MELK: variants seen among roughly 807,000 people sequenced by gnomAD.
MELK encodes pEg3 kinase.
In MELK, 81 loss-of-function variants were observed where a neutral mutation model predicts 85.0. That is an observed-to-expected ratio of 0.95 (90% CI 0.80 to 1.15). The LOEUF is 1.15. Ranked by LOEUF, MELK falls within the 50% of genes most tolerant of loss-of-function variation. The probability of loss-of-function intolerance (pLI) is 0.00; values close to 1 mark genes in which losing one functional copy is unlikely to be tolerated. For synonymous variants in MELK, 252 were observed against 265.0 expected (o/e 0.95, Z 0.48); for missense variants, 754 against 777.5 (o/e 0.97, Z 0.36).
chr9:36,594,639 A>G lies in MELK; in HGVS notation c.273A>G (p.Gly91=). 1 of 1,613,920 alleles carries G rather than the reference A, an allele frequency of 6.2e-7. No homozygotes were observed. The highest frequency in any genetic ancestry group is 8.5e-7 in the Non-Finnish European group (1 of 1,179,942). Residue 91 remains glycine (G), a synonymous_variant, in exon 5 of 18, where the codon GGA becomes GGG. Coordinates refer to ENST00000298048, the MANE Select transcript of MELK (RefSeq NM_014791.4). ...KIFMVLEYCP[G]GELFDYIISQ... Reference sequence around the variant, plus strand: ...CATTGCTGTTGAAGTACTGCCCTGGAGGAGAGCTGTTTGACTATATAATTT... The same window carrying G: ...CATTGCTGTTGAAGTACTGCCCTGGGGGAGAGCTGTTTGACTATATAATTT...
intron 4 of MELK, among the ~76,000 whole-genome samples, chr9:36,590,550 C>G (rs1235048235): frequency 6.6e-6 from 1 of 152,030 alleles, no homozygotes; most frequent in East Asian, 1.9e-4. Flanking sequence ...TTAAAAGGAC[C>G]CAAGGTTTAG....
At position 36,621,288 on chromosome 9, in the gene MELK, A is replaced by AC. The variant is rs1333280063; in HGVS notation, c.667-9011_667-9010insC. ...CTCTGTCTCAGGGAAAAAAAAAAAA[A>AC]AAAAAAAAAAAAAAAAAAAAAAAAA... On this transcript the variant is annotated intron_variant, in intron 8 of 17. Transcript: ENST00000298048. Among the ~76,000 whole-genome samples, 18 of 95,500 alleles carry AC rather than the reference A, an allele frequency of 1.9e-4. No homozygotes were observed. In the East Asian group the frequency reaches 3.8e-3, roughly 20 times the overall value. The allele number at this position is 95,500 out of a possible 152,430, so 62.7% of individuals were successfully genotyped here.
chr9:36,665,460 T>C lies in MELK; in HGVS notation c.1287T>C (p.Pro429=), dbSNP rs1469260656. The part of the protein sequence containing the change: ...KLKNKENVYT[P]KSAVKNEEYF... ...AGAACAAAGAAAATGTATATACTCC[T>C]AAGTCTGCTGTAAAGAATGAAGAGT... Residue 429 remains proline, a synonymous_variant, in exon 14 of 18, where the codon CCT becomes CCC. Coordinates refer to ENST00000298048, the MANE Select transcript of MELK (RefSeq NM_014791.4). 1.2e-6 allele frequency: 2 copies of C among 1,613,184 alleles called. No individual in the cohort carries two copies. The highest frequency in any genetic ancestry group is 2.7e-5 in the African/African-American group (2 of 74,890).
chr9:36,657,626 T>A (rs1173238487), intron 13 of MELK, among the ~76,000 whole-genome samples: 2 of 152,252 alleles, frequency 1.3e-5, no homozygotes, highest in Non-Finnish European at 2.9e-5. Flanking sequence ...AGTCTTGCTC[T>A]GTTGGCCAGG....
chr9:36,589,856 G>A lies in MELK; in HGVS notation c.261+204G>A, dbSNP rs552100150. 2.6e-5 allele frequency among the ~76,000 whole-genome samples: 4 copies of A among 151,964 alleles called. No individual in the cohort carries two copies. In the East Asian group the frequency reaches 7.7e-4, roughly 29 times the overall value. ...TCATTTTTCTAATACACCCCTAATG[G>A]GGTAGTATGGTTTACTAGATAGAAT... On this transcript the variant is annotated intron_variant, in intron 4 of 17. Coordinates refer to ENST00000298048, the MANE Select transcript of MELK (RefSeq NM_014791.4).
chr9:36,575,069 G>A (rs974763267), intron 1 of MELK, among the ~76,000 whole-genome samples: 1 of 152,156 alleles, frequency 6.6e-6, no homozygotes, highest in African/African-American at 2.4e-5. Flanking sequence ...GAGGGCGGAG[G>A]TTGCAGTGAG....
chr9:36,637,214 A>G (rs976348172), intron 10 of MELK, among the ~76,000 whole-genome samples: 5 of 152,138 alleles, frequency 3.3e-5, no homozygotes, highest in Non-Finnish European at 7.3e-5. Flanking sequence ...TGTACTTACT[A>G]ATGTTCCACT....
chr9:36,657,436 AC>A, intron 13 of MELK, 73 bp downstream of exon 13: 2 of 1,481,020 alleles, frequency 1.4e-6, no homozygotes, highest in Non-Finnish European at 1.8e-6. Context: ...CTAATGTGAA[AC>A]CAAGGTGTGC....
intron 12 of MELK, among the ~76,000 whole-genome samples, chr9:36,654,430 G>A (rs372191881): frequency 3.3e-4 from 45 of 134,730 alleles, no homozygotes; most frequent in African/African-American, 1.2e-3. Context: ...GTCTTGGCTC[G>A]CTGCAACCTC....
intron 13 of MELK, among the ~76,000 whole-genome samples, chr9:36,660,025 C>A (rs1463712990): frequency 6.6e-6 from 1 of 152,210 alleles, no homozygotes; most frequent in East Asian, 1.9e-4. Context: ...TCTCGAACTG[C>A]TGACCTCAAG....
chr9:36,636,727 G>T (rs928435387), intron 10 of MELK, among the ~76,000 whole-genome samples: 106 of 83,586 alleles, frequency 1.3e-3, no homozygotes, highest in African/African-American at 4.2e-3. Flanking sequence ...GTAGCAACTG[G>T]ATTTCTTTCT....
chr9:36,578,093 C>T (rs1404503895), intron 1 of MELK, among the ~76,000 whole-genome samples: 5 of 152,180 alleles, frequency 3.3e-5, no homozygotes, highest in East Asian at 3.8e-4. Context: ...GCTATCTTTA[C>T]GCTTCTTCCT....
chr9:36,630,468 TC>T (rs1828440870), intron 9 of MELK, 101 bp downstream of exon 9: 1 of 923,146 alleles, frequency 1.1e-6, no homozygotes, highest in Admixed American at 1.9e-5. Flanking sequence ...TTGAAAAAAA[TC>T]CCACTCATAT....
chr9:36,639,721 A>C (rs867334956), intron 10 of MELK, among the ~76,000 whole-genome samples: 10 of 152,062 alleles, frequency 6.6e-5, no homozygotes, highest in Non-Finnish European at 1.2e-4. Context: ...CACTCATTTC[A>C]TTGTTTCCAG....
chr9:36,574,430 CAAAA>C (rs78915626), intron 1 of MELK, among the ~76,000 whole-genome samples: 809 of 79,920 alleles, frequency 0.01, 10 homozygotes, highest in African/African-American at 0.027. Flanking sequence ...ACTAAAAATA[CAAAA>C]AAAAAAAAAA....
At chr9:36,676,920 G>C (rs542899406) in intron 17 of MELK, among the ~76,000 whole-genome samples, 39 of 152,284 alleles carry the variant, frequency 2.6e-4, no homozygotes, top group African/African-American at 9.4e-4. Flanking sequence ...TTGGAGCAAG[G>C]GAGACTTGTA....
At position 36,665,447 on chromosome 9, in the gene MELK, A is replaced by G; in HGVS notation, c.1274A>G (p.Asn425Ser). The G allele has an allele frequency of 6.2e-7, 1 of 1,613,348 alleles. No individual in the cohort carries two copies. Among genetic ancestry groups the G allele is most frequent in the Admixed American group, 1.7e-5 (1 of 60,012 alleles). ...GCAAATAAATTAAAGAACAAAGAAA[A>G]TGTATATACTCCTAAGTCTGCTGTA... is the stretch of plus-strand genomic sequence containing the variant. The part of the protein sequence containing the change: ...TPANKLKNKE[N>S]VYTPKSAVKN... Residue 425 changes from asparagine to serine, a missense_variant, in exon 14 of 18, where the codon AAT becomes AGT. Physicochemically the swap from Asn to Ser is conservative, Grantham distance 46. Transcript: ENST00000298048.
chr9:36,648,947 G>A (rs1249253597), intron 11 of MELK, among the ~76,000 whole-genome samples: 4 of 151,920 alleles, frequency 2.6e-5, no homozygotes, highest in Non-Finnish European at 5.9e-5. Context: ...GTGGGGAGAG[G>A]AAAGAAGAAA....
intron 10 of MELK, among the ~76,000 whole-genome samples, chr9:36,636,028 C>T (rs2136664950): frequency 6.6e-6 from 1 of 152,042 alleles, no homozygotes; most frequent in South Asian, 2.1e-4. Context: ...AACTCCTGAC[C>T]TGCCTGCCCT....
Sources: allele counts gnomAD v4.1 joint callset (sites outside exome capture counted in the v4.1 genomes callset), GRCh38; gene constraint gnomAD v4.1.1; transcripts MANE v1.5; gene names NCBI Gene and HGNC (gene_info 2026-07-23, HGNC 2026-07-21).